Variants in TRPM2 observed in about 807,000 individuals in gnomAD.
TRPM2 encodes estrogen-responsive element-associated gene 1 protein.
A neutral mutation model predicts 174.0 loss-of-function variants in TRPM2; 161 were observed. That is an observed-to-expected ratio of 0.93 (90% CI 0.81 to 1.05). The LOEUF (loss-of-function observed/expected upper bound fraction) is 1.05. Among genes scored for constraint, TRPM2 ranks in the 50% least tolerant of loss-of-function variants. The pLI, the probability that TRPM2 is intolerant of heterozygous loss-of-function variation, is 0.00. For synonymous variants in TRPM2, 954 were observed against 861.3 expected, an observed-to-expected ratio of 1.11 and a Z score of -1.88; for missense variants, 2,057 against 2,038.0, an observed-to-expected ratio of 1.01 and a Z score of -0.18.
chr21:44,421,977 G>A (rs1431371320), intron 22 of TRPM2, among the ~76,000 whole-genome samples: 1 of 152,188 alleles, frequency 6.6e-6, no homozygotes, highest in South Asian at 2.1e-4. Context: ...ACGTGTTTCC[G>A]CTGGGCCGCT....
rs767373478 is a variant in TRPM2, at chr21:44,405,887, C to T, written c.2658-18C>T. 6 of 1,597,294 alleles carry T rather than the reference C, an allele frequency of 3.8e-6. No individual in the cohort carries two copies. In the South Asian group the frequency reaches 6.6e-5, roughly 18 times the overall value. On this transcript the variant is annotated intron_variant, in intron 17 of 31. Transcript: ENST00000397928. ...TGAGCAGGTGGCTGAGATGTGTGTG[C>T]TTCTGCCCGGCGGCCAGGCTCATCC...
At chr21:44,435,967 T>C (rs72497623) in intron 28 of TRPM2, among the ~76,000 whole-genome samples, 2,344 of 83,674 alleles carry the variant, frequency 0.028, 84 homozygotes, top group African/African-American at 0.077. Context: ...ACTCACTCTC[T>C]ACTCCCATCC....
Position 44,422,212 on chromosome 21 carries a change from G to A in TRPM2, c.3462-1433G>A, listed in dbSNP as rs995315171. 5.3e-6 allele frequency: 8 copies of A among 1,516,740 alleles called. No homozygotes were observed. In the Admixed American group the frequency reaches 6.2e-5, roughly 12 times the overall value. The allele number at this position is 1,516,740 out of a possible 1,614,324, so 94.0% of individuals were successfully genotyped here. Reference sequence around the variant, plus strand: ...CACCTGGGAGGCGCATGAGTGTGGGGTGCCATAACCTTGCAGCACTGAGGT... The same window carrying A: ...CACCTGGGAGGCGCATGAGTGTGGGATGCCATAACCTTGCAGCACTGAGGT... On this transcript the variant is annotated intron_variant, in intron 22 of 31. Coordinates refer to ENST00000397928, the MANE Select transcript of TRPM2 (RefSeq NM_003307.4).
rs1329433538 is a variant in TRPM2 at position 44,405,923 on chromosome 21, G to C, written c.2676G>C (p.Leu892=). The change falls in exon 18 of 32, where the codon CTG becomes CTC. Residue 892 remains leucine, a synonymous_variant. Transcript: ENST00000397928. ...CGGCCAGGCTCATCCCGGCGACGCTGTACCCCGGGCGCGTCATCCTCTCTC... is the reference window on the plus strand; with the variant it reads ...CGGCCAGGCTCATCCCGGCGACGCTCTACCCCGGGCGCGTCATCCTCTCTC... The part of the protein sequence containing the change: ...GLTCRLIPAT[L]YPGRVILSLD... 1 of 1,605,060 alleles carries C rather than the reference G, an allele frequency of 6.2e-7. No homozygotes were observed. The highest frequency in any genetic ancestry group is 8.5e-7 in the Non-Finnish European group (1 of 1,179,648).
intron 9 of TRPM2, 79 bp downstream of exon 9, chr21:44,382,899 G>A (rs2048925218): frequency 7.3e-7 from 1 of 1,366,250 alleles, no homozygotes; most frequent in Non-Finnish European, 1.0e-6. Context: ...TAGTCTTGAA[G>A]TGCCATGATT....
At chr21:44,419,445 A>G (rs1474479014) in intron 22 of TRPM2, among the ~76,000 whole-genome samples, 6 of 151,720 alleles carry the variant, frequency 4.0e-5, no homozygotes, top group Admixed American at 2.6e-4. Context: ...AATTGAGCAC[A>G]TATGCTGGAA....
chr21:44,377,858 T>A, intron 7 of TRPM2, 85 bp downstream of exon 7: 1 of 1,476,286 alleles, frequency 6.8e-7, no homozygotes, highest in Non-Finnish European at 9.3e-7. Flanking sequence ...GTCTCAGAAC[T>A]CAAGACTGTT....
At position 44,437,137 on chromosome 21, in the gene TRPM2, C is replaced by T; in HGVS notation, c.4137C>T (p.Leu1379=). 1 of 1,551,390 alleles carries T rather than the reference C, an allele frequency of 6.4e-7. No homozygotes were observed. Among genetic ancestry groups the T allele is most frequent in the South Asian group, 1.2e-5 (1 of 84,066 alleles). Residue 1379 remains leucine, a synonymous_variant, in exon 29 of 32, where the codon CTC becomes CTT. Transcript: ENST00000397928. ...TGCTGGAAGTGCTGGTGGTGAAGCT[C>T]CCTCTCTCCGAGCACTGGGCCCTGC... ...KKMLEVLVVK[L]PLSEHWALPG...
Position 44,391,715 on chromosome 21 carries a change from AT to A in TRPM2, c.1794+95del. On this transcript the variant is annotated intron_variant, in intron 11 of 31. Coordinates refer to ENST00000397928, the MANE Select transcript of TRPM2 (RefSeq NM_003307.4). The surrounding 1 kb of genome is among the most constrained non-coding windows in gnomAD (Gnocchi z 5.0). ...CTCTCTGTTTTTAAAATTAGCTTTTATTTTTATTAGAAAAGACACATGCTCT... is the reference window on the plus strand; with the variant it reads ...CTCTCTGTTTTTAAAATTAGCTTTTATTTTATTAGAAAAGACACATGCTCT... The A allele has an allele frequency of 2.4e-6, 3 of 1,239,124 alleles. No individual in the cohort carries two copies. The highest frequency in any genetic ancestry group is 3.3e-6 in the Non-Finnish European group (3 of 919,294). 76.8% of individuals were successfully genotyped at this position (1,239,124 alleles called of 1,614,324 possible).
chr21:44,438,258 T>A lies in TRPM2; in HGVS notation c.4168-809T>A, dbSNP rs8131919. Among the ~76,000 whole-genome samples the A allele has an allele frequency of 6.6e-6, 1 of 152,092 alleles. No homozygotes were observed. Among genetic ancestry groups the A allele is most frequent in the African/African-American group, 2.4e-5 (1 of 41,380 alleles). On this transcript the variant is annotated intron_variant, in intron 29 of 31. Transcript: ENST00000397928. This position sits in a 1 kb window ranked among gnomAD's most constrained non-coding sequence, Gnocchi z 5.9. ...AGTAGCTTCTCTGCCTGTGCACACC[T>A]GGCCCTGGAACACGAGTCACCCTCC... is the stretch of plus-strand genomic sequence containing the variant.
intron 19 of TRPM2, among the ~76,000 whole-genome samples, chr21:44,408,779 T>G (rs2049992536): frequency 6.7e-6 from 1 of 148,370 alleles, no homozygotes; most frequent in African/African-American, 2.5e-5. Context: ...TGCCTCAGCC[T>G]CCCGAGTAGC....
At chr21:44,435,093 G>C (rs2051187144) in intron 27 of TRPM2, 38 bp from the exon 28 acceptor site, 1 of 1,594,010 alleles carries the variant, frequency 6.3e-7, no homozygotes, top group East Asian at 2.3e-5. Context: ...CTCCCCCATT[G>C]GTGGACGGTG....
intron 27 of TRPM2, among the ~76,000 whole-genome samples, chr21:44,428,705 AGATGTGGCTCCTCCCTGAGGTGT>A (rs2050916362): frequency 1.3e-4 from 3 of 23,198 alleles, no homozygotes; most frequent in Non-Finnish European, 1.6e-4. Flanking sequence ...TCCTCCCCTG[AGATGTGGCTCCTCCCTGAGGTGT>A]GGCTCCTCCC....
intron 22 of TRPM2, 117 bp downstream of exon 22, chr21:44,418,672 GGGAGC>G: frequency 7.5e-7 from 1 of 1,329,236 alleles, no homozygotes; most frequent in Non-Finnish European, 1.1e-6. Flanking sequence ...TCACCGGTGA[GGGAGC>G]GCTGTATCCC....
chr21:44,401,653 T>C, intron 15 of TRPM2, 28 bp from the exon 16 acceptor site: 1 of 1,608,638 alleles, frequency 6.2e-7, no homozygotes, highest in Non-Finnish European at 8.5e-7. Flanking sequence ...TGGTGGTCAC[T>C]GTCTCCTCTC....
chr21:44,426,543 A>C (rs1308048724), intron 25 of TRPM2, 117 bp from the exon 26 acceptor site: 3 of 1,027,864 alleles, frequency 2.9e-6, no homozygotes, highest in Non-Finnish European at 4.6e-6. Flanking sequence ...TCTGCCCTGC[A>C]TGTTGGGATG....
At position 44,367,051 on chromosome 21, in the gene TRPM2, T is replaced by C; in HGVS notation, c.604+117T>C. 1 of 1,254,132 alleles carries C rather than the reference T, an allele frequency of 8.0e-7. No homozygotes were observed. Among genetic ancestry groups the C allele is most frequent in the Non-Finnish European group, 1.1e-6 (1 of 930,632 alleles). The allele number at this position is 1,254,132 out of a possible 1,614,324, so 77.7% of individuals were successfully genotyped here. The stretch of plus-strand genomic sequence containing the variant: ...AAGTCCCTGGGAGCCGCCGAGGCTG[T>C]GCCCCAGCCTGAGTCGGACCCATGC... On this transcript the variant is annotated intron_variant, in intron 4 of 31. Coordinates refer to ENST00000397928, the MANE Select transcript of TRPM2 (RefSeq NM_003307.4). This position sits in a 1 kb window ranked among gnomAD's most constrained non-coding sequence, Gnocchi z 4.6.
intron 27 of TRPM2, among the ~76,000 whole-genome samples, chr21:44,430,866 G>A (rs1601248386): frequency 1.3e-5 from 2 of 150,706 alleles, no homozygotes; most frequent in African/African-American, 4.9e-5. Context: ...AATGTATTGT[G>A]TCACAGATGT....
At position 44,354,569 on chromosome 21, in the gene TRPM2, G is replaced by A; in HGVS notation, c.166-79G>A. The A allele has an allele frequency of 1.6e-6, 2 of 1,280,594 alleles. No homozygotes were observed. Among genetic ancestry groups the A allele is most frequent in the East Asian group, 2.3e-5 (1 of 43,108 alleles). The allele number at this position is 1,280,594 out of a possible 1,614,324, so 79.3% of individuals were successfully genotyped here. Reference sequence around the variant, plus strand: ...GCAAATAGTGTGAAAGCTCCTCAAGGAGCTCAGATGTGTCTCCAGGGGGCT... The same window carrying A: ...GCAAATAGTGTGAAAGCTCCTCAAGAAGCTCAGATGTGTCTCCAGGGGGCT... On this transcript the variant is annotated intron_variant, in intron 1 of 31. Coordinates refer to ENST00000397928, the MANE Select transcript of TRPM2 (RefSeq NM_003307.4). This position sits in a 1 kb window ranked among gnomAD's most constrained non-coding sequence, Gnocchi z 4.3.
Sources: gnomAD v4.1 joint callset for allele counts (sites outside exome capture counted in the v4.1 genomes callset) on GRCh38, gnomAD v4.1.1 for gene constraint, Gnocchi (gnomAD v3.1) non-coding constraint, MANE v1.5 for transcripts, NCBI Gene and HGNC (gene_info 2026-07-23, HGNC 2026-07-21) for gene names.